The following EFHC2 variants were observed in gnomAD, a reference collection of about 807,000 sequenced individuals.
EFHC2 encodes the protein EF-hand domain-containing family member C2.
In EFHC2, 18 loss-of-function variants were observed where a neutral mutation model predicts 52.7. The ratio of observed to expected loss-of-function variants is 0.34; its 90% CI spans 0.24 to 0.51. EFHC2 has a LOEUF of 0.51. EFHC2 is among the 20% of genes least tolerant of loss of function. EFHC2 has a pLI of 0.97. For synonymous variants in EFHC2, 203 were observed against 204.1 expected (o/e 0.99, Z 0.04); for missense variants, 513 against 562.5 (o/e 0.91, Z 0.89).
At chrX:44,305,388 A>G (rs1026403334) in intron 2 of EFHC2, among the ~76,000 whole-genome samples, 4 of 112,575 alleles carry the variant, frequency 3.6e-5, no homozygotes, top group Admixed American at 9.4e-5. Context: ...TCAGGCTCCA[A>G]TATAACTTCC....
chrX:44,291,072 GAACAC>G (rs2037789745), intron 2 of EFHC2, among the ~76,000 whole-genome samples: 1 of 111,816 alleles, frequency 8.9e-6, no homozygotes, highest in Non-Finnish European at 1.9e-5. Flanking sequence ...CATGAAGGTG[GAACAC>G]CTCCCTGGCC....
In EFHC2 at chrX:44,343,625, G is replaced by A. The variant is rs776872318; in HGVS notation, c.-37C>T. The A allele has an allele frequency of 5.4e-5, 60 of 1,119,238 alleles. No individual in the cohort carries two copies. In the East Asian group the frequency reaches 2.0e-3, roughly 38 times the overall value. 92.2% of individuals were successfully genotyped at this position (1,119,238 alleles called of 1,213,427 possible). A position where few individuals can be genotyped will look rare whatever the true frequency, so the allele number is the denominator to read the frequency against. ...TCCGAAAATCCAGGGTCCCAGAAGA[G>A]AGGGCCCGGCAGGCAGCGGCGCCTC... On this transcript the variant is annotated 5_prime_UTR_variant, in exon 1 of 15. Transcript: ENST00000420999.
At chrX:44,202,186 C>T (rs1209601142) in intron 11 of EFHC2, among the ~76,000 whole-genome samples, 1 of 111,760 alleles carries the variant, frequency 8.9e-6, no homozygotes, top group African/African-American at 3.2e-5. Context: ...AAAACATAAT[C>T]GGGTGGATCA....
At chrX:44,337,107 A>G (rs1178629520) in intron 1 of EFHC2, among the ~76,000 whole-genome samples, 4 of 112,044 alleles carry the variant, frequency 3.6e-5, no homozygotes, top group African/African-American at 1.3e-4. Flanking sequence ...AAATCATCTT[A>G]GCCTACTTTT....
intron 11 of EFHC2, 118 bp downstream of exon 11, chrX:44,229,531 C>T: frequency 9.9e-7 from 1 of 1,008,274 alleles, no homozygotes; most frequent in Non-Finnish European, 1.4e-6. Context: ...AATACAAACT[C>T]AAAGAAATGC....
chrX:44,200,101 T>C (rs939497983), intron 11 of EFHC2, among the ~76,000 whole-genome samples: 4 of 111,827 alleles, frequency 3.6e-5, no homozygotes, highest in African/African-American at 1.3e-4. Context: ...GTTTAATAAT[T>C]ACACTGTGGT....
At chrX:44,195,658 A>C (rs1288812459) in intron 11 of EFHC2, among the ~76,000 whole-genome samples, 1 of 111,284 alleles carries the variant, frequency 9.0e-6, no homozygotes, top group African/African-American at 3.3e-5. Context: ...CCTCTGGCAG[A>C]ATTAATTTGA....
At chrX:44,313,095 C>CAAAAAAAAAAAAAAAAAAAAAAAAAGA (rs1276344069) in intron 1 of EFHC2, among the ~76,000 whole-genome samples, 1 of 50,065 alleles carries the variant, frequency 2.0e-5, no homozygotes. Context: ...ATGCAAACAG[C>CAAAAAAAAAAAAAAAAAAAAAAAAAGA]AAAAAAAAAA....
intron 3 of EFHC2, among the ~76,000 whole-genome samples, chrX:44,266,248 C>T (rs962695923): frequency 8.9e-6 from 1 of 112,067 alleles, no homozygotes; most frequent in African/African-American, 3.2e-5. Context: ...ACCTGGTTCT[C>T]TCCCCAGTGT....
intron 6 of EFHC2, 70 bp from the exon 7 acceptor site, chrX:44,248,480 GA>G: frequency 1.9e-6 from 2 of 1,053,513 alleles, no homozygotes; most frequent in Non-Finnish European, 2.5e-6. Context: ...CCTTCCCAGA[GA>G]AAAAAAGGAA....
At chrX:44,338,678 A>C (rs1319625418) in intron 1 of EFHC2, among the ~76,000 whole-genome samples, 1 of 97,722 alleles carries the variant, frequency 1.0e-5, no homozygotes, top group Non-Finnish European at 2.0e-5. Flanking sequence ...AGCATAATAC[A>C]CTCTAATTCT....
chrX:44,180,629 C>T (rs924187335), intron 11 of EFHC2, among the ~76,000 whole-genome samples: 1 of 110,099 alleles, frequency 9.1e-6, no homozygotes, highest in Non-Finnish European at 1.9e-5. Context: ...ATCCCAGGTA[C>T]TCAGGAGGCT....
At chrX:44,154,780 T>C (rs946849331) in intron 14 of EFHC2, among the ~76,000 whole-genome samples, 9 of 111,495 alleles carry the variant, frequency 8.1e-5, no homozygotes, top group Non-Finnish European at 1.7e-4. Context: ...AATATGCCTT[T>C]AGTAGCTCCT....
At chrX:44,319,807 G>T (rs895356992) in intron 1 of EFHC2, among the ~76,000 whole-genome samples, 3 of 112,516 alleles carry the variant, frequency 2.7e-5, no homozygotes, top group African/African-American at 9.6e-5. Flanking sequence ...TAATGGATCG[G>T]TTGGCATGTA....
intron 11 of EFHC2, among the ~76,000 whole-genome samples, chrX:44,182,767 A>G (rs2036845132): frequency 8.9e-6 from 1 of 112,166 alleles, no homozygotes; most frequent in African/African-American, 3.2e-5. Context: ...TTTAGATAGC[A>G]AGTTACCTTT....
intron 2 of EFHC2, among the ~76,000 whole-genome samples, chrX:44,277,783 G>A (rs1421914107): frequency 1.8e-5 from 2 of 110,550 alleles, no homozygotes; most frequent in Admixed American, 9.6e-5. Flanking sequence ...AACTAGAAGT[G>A]TATAATGTAC....
intron 11 of EFHC2, among the ~76,000 whole-genome samples, chrX:44,212,407 C>T (rs1360760973): frequency 9.0e-6 from 1 of 110,910 alleles, no homozygotes; most frequent in Middle Eastern, 4.6e-3. Flanking sequence ...AAAGTAACCA[C>T]GAGCCTGACC....
Position 44,232,597 on chromosome X carries a change from A to G in EFHC2, c.1504T>C (p.Tyr502His). 6 of 1,197,077 alleles carry G rather than the reference A, an allele frequency of 5.0e-6. No individual in the cohort carries two copies. Among genetic ancestry groups the G allele is most frequent in the Non-Finnish European group, 5.6e-6 (5 of 887,594 alleles). Residue 502 changes from tyrosine to histidine, a missense_variant, in exon 10 of 15, where the codon TAT (tyrosine) becomes CAT (histidine). Physicochemically the swap from Tyr to His is moderately conservative, Grantham distance 83. Coordinates refer to ENST00000420999, the MANE Select transcript of EFHC2 (RefSeq NM_025184.4). ...QEVFKSELSE[Y>H]IKAEELYIGV... The stretch of plus-strand genomic sequence containing the variant: ...ATGTACAGCTCCTCGGCCTTGATAT[A>G]TTCAGATAGTTCACTTTTAAAGACT...
chrX:44,340,182 CA>C (rs1374792316), intron 1 of EFHC2, among the ~76,000 whole-genome samples: 3 of 111,137 alleles, frequency 2.7e-5, no homozygotes, highest in Non-Finnish European at 5.7e-5. Context: ...TGATCTTTTC[CA>C]AAAATTATTC....
Sources: allele counts gnomAD v4.1 joint callset (sites outside exome capture counted in the v4.1 genomes callset), GRCh38; gene constraint gnomAD v4.1.1; transcripts MANE v1.5; gene names NCBI Gene and HGNC (gene_info 2026-07-23, HGNC 2026-07-21).